The following TBC1D5 variants were observed in gnomAD, a reference collection of about 807,000 sequenced individuals.
The protein encoded by TBC1D5 is TBC1 domain family member 5.
Under a neutral mutation model 100.3 loss-of-function variants are expected in TBC1D5, and 75 were observed. The observed-to-expected ratio is 0.75, with a 90% CI of 0.62 to 0.91. The LOEUF (loss-of-function observed/expected upper bound fraction) is 0.91. Among genes scored for constraint, TBC1D5 ranks in the 40% least tolerant of loss-of-function variants. The probability of loss-of-function intolerance (pLI) is 0.00; values close to 1 mark genes in which losing one functional copy is unlikely to be tolerated. For synonymous variants in TBC1D5, 323 were observed against 325.6 expected (o/e 0.99, Z 0.09); for missense variants, 910 against 942.4 (o/e 0.97, Z 0.45).
chr3:17,320,021 T>C (rs996147822), intron 13 of TBC1D5, among the ~76,000 whole-genome samples: 5 of 152,238 alleles, frequency 3.3e-5, no homozygotes, highest in African/African-American at 1.2e-4. Context: ...AGTGGATGTA[T>C]AGTAACTTAA....
At chr3:17,249,876 T>C (rs2077044572) in intron 16 of TBC1D5, among the ~76,000 whole-genome samples, 2 of 152,204 alleles carry the variant, frequency 1.3e-5, no homozygotes, top group African/African-American at 4.8e-5. Flanking sequence ...GTGCAGTTCA[T>C]GGTGCCCCAA....
intron 15 of TBC1D5, among the ~76,000 whole-genome samples, chr3:17,272,194 G>C (rs1426290609): frequency 6.6e-6 from 1 of 152,128 alleles, no homozygotes. Context: ...TTTCTAGACT[G>C]TACTACTTAA....
At chr3:17,404,939 T>C in exon 6 of TBC1D5, 1 of 1,597,728 alleles carries the variant, frequency 6.3e-7, no homozygotes, top group Non-Finnish European at 8.5e-7. Context: ...ACTTTTGTCT[T>C]GAGGAAGAAC....
chr3:17,731,194 T>A (rs2076523673), intron 1 of TBC1D5, among the ~76,000 whole-genome samples: 1 of 151,750 alleles, frequency 6.6e-6, no homozygotes, highest in Admixed American at 6.6e-5. Context: ...TCACATAATA[T>A]AAGGGAGGCA....
intron 1 of TBC1D5, among the ~76,000 whole-genome samples, chr3:17,698,600 A>G (rs963734672): frequency 1.4e-5 from 2 of 147,682 alleles, no homozygotes; most frequent in African/African-American, 5.0e-5. Context: ...ATCAGAGTGA[A>G]CAGGCAACCT....
intron 13 of TBC1D5, among the ~76,000 whole-genome samples, chr3:17,331,234 C>A (rs1184483882): frequency 6.6e-6 from 1 of 152,160 alleles, no homozygotes; most frequent in Non-Finnish European, 1.5e-5. Context: ...TACCAACTTT[C>A]CAACTCCCAA....
intron 15 of TBC1D5, among the ~76,000 whole-genome samples, chr3:17,269,988 T>C (rs1305825280): frequency 6.6e-5 from 10 of 152,186 alleles, no homozygotes; most frequent in Non-Finnish European, 1.2e-4. Flanking sequence ...TAGAATGATA[T>C]ATTTTCCTTT....
At chr3:17,240,838 A>G (rs1271248019) in intron 16 of TBC1D5, among the ~76,000 whole-genome samples, 2 of 152,190 alleles carry the variant, frequency 1.3e-5, no homozygotes, top group Non-Finnish European at 2.9e-5. Context: ...TGTAAAATTT[A>G]TATGTTGATA....
At position 17,529,683 on chromosome 3, in the gene TBC1D5, G is replaced by C. The variant is rs567802509; in HGVS notation, c.-35-21078C>G. 6.6e-5 allele frequency among the ~76,000 whole-genome samples: 10 copies of C among 151,558 alleles called. No individual in the cohort carries two copies. In the South Asian group the frequency reaches 1.5e-3, roughly 22 times the overall value. ...TTTTTTTGAGACAGAGTCTTGTTCT[G>C]TCGGCCAGGCTGGAGTGCAGTGGCA... On this transcript the variant is annotated intron_variant, in intron 2 of 21. Coordinates refer to ENST00000253692, the Ensembl canonical transcript of TBC1D5.
At chr3:17,663,871 G>T (rs909132177) in intron 1 of TBC1D5, among the ~76,000 whole-genome samples, 1 of 151,970 alleles carries the variant, frequency 6.6e-6, no homozygotes, top group Non-Finnish European at 1.5e-5. Context: ...TAAAAGAGAT[G>T]ATATAGGCTT....
At chr3:17,662,017 A>C (rs142331693) in intron 1 of TBC1D5, among the ~76,000 whole-genome samples, 144 of 152,178 alleles carry the variant, frequency 9.5e-4, no homozygotes, top group Middle Eastern at 3.4e-3. Flanking sequence ...CAGCCTCCCA[A>C]GTAGCTAGGA....
intron 2 of TBC1D5, among the ~76,000 whole-genome samples, chr3:17,517,335 T>C (rs1341047553): frequency 6.6e-6 from 1 of 152,194 alleles, no homozygotes; most frequent in Non-Finnish European, 1.5e-5. Context: ...GGTTAGTTCA[T>C]AAACACACTC....
intron 2 of TBC1D5, among the ~76,000 whole-genome samples, chr3:17,524,248 G>C (rs369748944): frequency 2.0e-5 from 3 of 152,254 alleles, no homozygotes; most frequent in East Asian, 3.9e-4. Context: ...TCACCTATCA[G>C]AATGCAAAAT....
intron 1 of TBC1D5, among the ~76,000 whole-genome samples, chr3:17,704,947 G>A (rs1489066622): frequency 5.3e-3 from 542 of 103,120 alleles, no homozygotes; most frequent in South Asian, 0.019. Flanking sequence ...CAGTAGGGGC[G>A]GCTGGGCAGA....
At chr3:17,194,382 C>T (rs2733529) in intron 18 of TBC1D5, among the ~76,000 whole-genome samples, 70,819 of 151,988 alleles carry the variant, frequency 0.47, 17,870 homozygotes, top group African/African-American at 0.63. Context: ...CCAGGAGAGC[C>T]TTCCAATCTC....
intron 9 of TBC1D5, among the ~76,000 whole-genome samples, chr3:17,378,495 C>T (rs1353991181): frequency 6.6e-6 from 1 of 151,856 alleles, no homozygotes; most frequent in Non-Finnish European, 1.5e-5. Flanking sequence ...ACCGTTTTTA[C>T]TTAATAAATT....
intron 1 of TBC1D5, chr3:17,702,104 A>C (rs2073299171): frequency 6.6e-6 from 1 of 152,168 alleles, no homozygotes; most frequent in African/African-American, 2.4e-5. Flanking sequence ...ATATATTTTC[A>C]ATTATATTGA....
At chr3:17,733,024 A>C (rs2076690072) in intron 1 of TBC1D5, among the ~76,000 whole-genome samples, 1 of 152,196 alleles carries the variant, frequency 6.6e-6, no homozygotes, top group South Asian at 2.1e-4. Flanking sequence ...AGTAGAAAGG[A>C]GGTAAGGAGC....
intron 10 of TBC1D5, among the ~76,000 whole-genome samples, chr3:17,376,202 T>C (rs191269548): frequency 9.2e-5 from 14 of 152,242 alleles, no homozygotes; most frequent in African/African-American, 2.9e-4. Flanking sequence ...TCATTGAGCA[T>C]GATATATATG....
Sources: gnomAD v4.1 joint callset for allele counts (sites outside exome capture counted in the v4.1 genomes callset) on GRCh38, gnomAD v4.1.1 for gene constraint, MANE v1.5 for transcripts, NCBI Gene and HGNC (gene_info 2026-07-23, HGNC 2026-07-21) for gene names.